SYMPK: variants seen among roughly 807,000 people sequenced by gnomAD.
SYMPK encodes symplekin.
SYMPK carries 49 observed loss-of-function variants against 136.4 expected under a neutral mutation model. The ratio of observed to expected loss-of-function variants is 0.36; its 90% CI spans 0.29 to 0.46. The LOEUF is 0.46. Among genes scored for constraint, SYMPK ranks in the 20% least tolerant of loss-of-function variants. The pLI is 1.00. For missense variants in SYMPK, 1,365 were observed against 1,690.0 expected, an observed-to-expected ratio of 0.81 and a Z score of 3.37; for synonymous variants, 766 against 713.0, an observed-to-expected ratio of 1.07 and a Z score of -1.19.
chr19:45,816,384 G>T, intron 25 of SYMPK, 98 bp downstream of exon 25: 1 of 1,450,994 alleles, frequency 6.9e-7, no homozygotes, highest in Non-Finnish European at 9.1e-7. Flanking sequence ...GGTGGCCTGA[G>T]TCTCTCGGGG....
Position 45,837,910 on chromosome 19 carries a change from CAT to C in SYMPK, c.1242+549_1242+550del, listed in dbSNP as rs371317902. Among the ~76,000 whole-genome samples the C allele has an allele frequency of 3.9e-5, 6 of 151,962 alleles. No individual in the cohort carries two copies. In the South Asian group the frequency reaches 8.3e-4, roughly 21 times the overall value. ...AAAGTGGAAAAGTGTAGTTCTGCCA[CAT>C]GAGTCTGAGGTGCTCCTGGGACGTC... On this transcript the variant is annotated intron_variant, in intron 10 of 26. Transcript: ENST00000245934.
chr19:45,815,817 C>T, intron 26 of SYMPK, 34 bp downstream of exon 26: 1 of 1,606,162 alleles, frequency 6.2e-7, no homozygotes, highest in Non-Finnish European at 8.5e-7. Flanking sequence ...CCAGATCCGG[C>T]TTCTTCCTTC....
At chr19:45,817,886 G>A (rs1970792371) in intron 23 of SYMPK, 73 bp downstream of exon 23, 3 of 1,442,404 alleles carry the variant, frequency 2.1e-6, no homozygotes, top group Non-Finnish European at 2.8e-6. Flanking sequence ...GGGTCAGACG[G>A]GGGAAGGGGA....
intron 9 of SYMPK, among the ~76,000 whole-genome samples, chr19:45,840,305 A>C (rs1456424257): frequency 7.7e-6 from 1 of 129,812 alleles, no homozygotes; most frequent in African/African-American, 3.1e-5. Flanking sequence ...ACAGAGCGAG[A>C]CTGTCTCAAA....
intron 24 of SYMPK, 74 bp downstream of exon 24, chr19:45,816,724 C>G (rs1199666414): frequency 2.5e-5 from 37 of 1,482,658 alleles, no homozygotes; most frequent in Admixed American, 9.3e-5. Flanking sequence ...CCCCACCAAC[C>G]AGAGGGACCC....
rs1971510964 is a variant in SYMPK, at chr19:45,844,282, A to C, written c.677-82T>G. 2.5e-6 allele frequency: 3 copies of C among 1,194,378 alleles called. No individual in the cohort carries two copies. The South Asian group carries it at 5.3e-5, about 21-fold the overall frequency. 74.0% of individuals were successfully genotyped at this position (1,194,378 alleles called of 1,614,324 possible). On this transcript the variant is annotated intron_variant, in intron 7 of 26. Transcript: ENST00000245934. ...ACAGCAGCTTTTGGGACTAAAAGGA[A>C]GGACAGATCCTGGTACCTAGATGTC...
chr19:45,827,917 T>C lies in SYMPK; in HGVS notation c.1987A>G (p.Ile663Val), dbSNP rs764615514. ...GCCTCCAGCACAACCTTGGTGAAGATCCTGCCAGAGATGGAGGGAGGGCCA... is the reference window on the plus strand; with the variant it reads ...GCCTCCAGCACAACCTTGGTGAAGACCCTGCCAGAGATGGAGGGAGGGCCA... Reference protein sequence around the residue: ...LQEKPDQKDGIFTKVVLEAPL... With the variant: ...LQEKPDQKDGVFTKVVLEAPL... Residue 663 changes from isoleucine to valine, a missense_variant and splice_region_variant, in exon 15 of 27, where the codon ATC becomes GTC. By Grantham distance (29) the Ile-to-Val change is conservative. This residue lies in a region of SYMPK where 303 missense variants were observed against 326.6 expected (regional missense o/e 0.93). Transcript: ENST00000245934. 6.2e-7 allele frequency: 1 copy of C among 1,613,728 alleles called. No individual in the cohort carries two copies. The highest frequency in any genetic ancestry group is 2.2e-5 in the East Asian group (1 of 44,872).
At chr19:45,835,261 A>C (rs1015044195) in intron 10 of SYMPK, 33 bp from the exon 11 acceptor site, 3 of 1,537,488 alleles carry the variant, frequency 2.0e-6, no homozygotes, top group East Asian at 2.3e-5. Flanking sequence ...GCCTCTCCTT[A>C]ATCATTAACT....
At chr19:45,862,164 A>C (rs1005171894) in intron 1 of SYMPK, 1 of 152,080 alleles carries the variant, frequency 6.6e-6, no homozygotes, top group African/African-American at 2.4e-5. Flanking sequence ...TATCTACCTC[A>C]TTCCTTTTTA....
Position 45,815,858 on chromosome 19 carries a change from A to T in SYMPK, c.3680T>A (p.Leu1227Gln), listed in dbSNP as rs780552525. ...GGAGGCTGCTCTCCCTACCTTGGGT[A>T]GGGGGCCCTCGAGACTAGAGTCCAA... ...ALLDSSLEGPLPKETAAGGLT... is the reference protein window; with the variant it reads ...ALLDSSLEGPQPKETAAGGLT... Residue 1227 changes from leucine to glutamine, a missense_variant, in exon 26 of 27, where the codon CTA (leucine) becomes CAA (glutamine). Transcript: ENST00000245934. The T allele has an allele frequency of 2.5e-6, 4 of 1,611,160 alleles. No homozygotes were observed. In the African/African-American group the frequency reaches 4.0e-5, roughly 16 times the overall value.
chr19:45,861,613 T>C (rs994684980), intron 1 of SYMPK, among the ~76,000 whole-genome samples: 1 of 151,594 alleles, frequency 6.6e-6, no homozygotes, highest in Non-Finnish European at 1.5e-5. Context: ...GTGGTGTGCC[T>C]GTAATCCCAG....
chr19:45,829,992 T>A, intron 13 of SYMPK, 62 bp downstream of exon 13: 1 of 1,496,108 alleles, frequency 6.7e-7, no homozygotes, highest in Non-Finnish European at 9.0e-7. Context: ...CTTCGCTGGA[T>A]GTGAGGTAGA....
chr19:45,837,831 C>T (rs1447871427), intron 10 of SYMPK, among the ~76,000 whole-genome samples: 2 of 151,922 alleles, frequency 1.3e-5, no homozygotes, highest in Non-Finnish European at 2.9e-5. Context: ...AAGAGGTTCA[C>T]TCCCAGGTTT....
chr19:45,825,209 C>T lies in SYMPK; in HGVS notation c.2452G>A (p.Asp818Asn), dbSNP rs1388534164. 7 of 1,613,926 alleles carry T rather than the reference C, an allele frequency of 4.3e-6. No homozygotes were observed. The highest frequency in any genetic ancestry group is 1.3e-5 in the African/African-American group (1 of 74,914). The change falls in exon 18 of 27, where the codon GAC becomes AAC. Residue 818 changes from aspartate to asparagine, a missense_variant. This residue lies in a region of SYMPK where 92 missense variants were observed against 198.6 expected (regional missense o/e 0.46). Transcript: ENST00000245934. ...LAAVYTEAIA[D>N]IKRTVLRVIE... Reference sequence around the variant, plus strand: ...ACCCTCAGCACCGTCCGCTTGATGTCGGCGATGGCTTCAGTGTACACGGCC... The same window carrying T: ...ACCCTCAGCACCGTCCGCTTGATGTTGGCGATGGCTTCAGTGTACACGGCC...
intron 1 of SYMPK, among the ~76,000 whole-genome samples, chr19:45,862,823 G>A (rs1342869830): frequency 6.6e-6 from 1 of 152,238 alleles, no homozygotes; most frequent in Non-Finnish European, 1.5e-5. Flanking sequence ...AAAAAGCAAA[G>A]AGGCCGAGTC....
chr19:45,843,721 C>T (rs566944038), intron 8 of SYMPK, among the ~76,000 whole-genome samples: 11 of 151,906 alleles, frequency 7.2e-5, no homozygotes, highest in African/African-American at 9.7e-5. Flanking sequence ...CCGAGGCAGG[C>T]GAATCACAAG....
chr19:45,859,892 T>C (rs992166794), intron 1 of SYMPK, among the ~76,000 whole-genome samples: 3 of 143,592 alleles, frequency 2.1e-5, no homozygotes, highest in Non-Finnish European at 4.5e-5. Context: ...TATGCACAAT[T>C]AGCTGGGCAT....
chr19:45,844,261 C>T, intron 7 of SYMPK, 61 bp from the exon 8 acceptor site: 8 of 1,399,990 alleles, frequency 5.7e-6, no homozygotes, highest in Non-Finnish European at 7.6e-6. Flanking sequence ...CTGGAGACAG[C>T]AGCTTTTGGG....
chr19:45,826,512 G>A (rs1971047336), intron 16 of SYMPK, 139 bp from the exon 17 acceptor site: 1 of 895,428 alleles, frequency 1.1e-6, no homozygotes, highest in African/African-American at 1.7e-5. Context: ...AGGGCCCAGG[G>A]CTGGTCCCCA....
Sources: allele counts gnomAD v4.1 joint callset (sites outside exome capture counted in the v4.1 genomes callset), GRCh38; gene constraint gnomAD v4.1.1; regional missense constraint gnomAD v4.1.1; transcripts MANE v1.5; gene names NCBI Gene and HGNC (gene_info 2026-07-23, HGNC 2026-07-21).